Variants in HCN1 observed in about 807,000 individuals in gnomAD.
HCN1 encodes the protein potassium/sodium hyperpolarization-activated cyclic nucleotide-gated channel 1.
A neutral mutation model predicts 78.9 loss-of-function variants in HCN1; 13 were observed. That is an observed-to-expected ratio of 0.16 (90% CI 0.11 to 0.26). The LOEUF is 0.26. Among genes scored for constraint, HCN1 ranks in the 10% least tolerant of loss-of-function variants. The pLI, the probability that HCN1 is intolerant of heterozygous loss-of-function variation, is 1.00. For synonymous variants in HCN1, 552 were observed against 455.5 expected (o/e 1.21, Z -2.70); for missense variants, 810 against 1,154.3 (o/e 0.70, Z 4.32).
At chr5:45,300,240 C>CTT in intron 6 of HCN1, among the ~76,000 whole-genome samples, 1 of 152,130 alleles carries the variant, frequency 6.6e-6, no homozygotes, top group South Asian at 2.1e-4. Context: ...GACTCAAAGA[C>CTT]TTTTCCTCCT....
intron 6 of HCN1, among the ~76,000 whole-genome samples, chr5:45,274,004 A>T (rs1010824116): frequency 6.6e-6 from 1 of 152,076 alleles, no homozygotes; most frequent in Non-Finnish European, 1.5e-5. Context: ...ATAGGTGCAA[A>T]TTTTTTAGTA....
At chr5:45,409,216 A>C (rs1275674750) in intron 3 of HCN1, among the ~76,000 whole-genome samples, 1 of 152,066 alleles carries the variant, frequency 6.6e-6, no homozygotes, top group Non-Finnish European at 1.5e-5. Context: ...TCTGTTTTCC[A>C]ACTGAAAGAG....
intron 6 of HCN1, among the ~76,000 whole-genome samples, chr5:45,274,342 C>G (rs1223555985): frequency 6.6e-6 from 1 of 152,114 alleles, no homozygotes; most frequent in Non-Finnish European, 1.5e-5. Context: ...CAAGTTCAAT[C>G]AAATCATCTC....
chr5:45,613,912 A>T (rs1257572686), intron 2 of HCN1, among the ~76,000 whole-genome samples: 1 of 152,174 alleles, frequency 6.6e-6, no homozygotes, highest in African/African-American at 2.4e-5. Context: ...GATAATCCGC[A>T]GTCTTATGAG....
intron 1 of HCN1, among the ~76,000 whole-genome samples, chr5:45,666,615 G>A (rs1746055490): frequency 1.3e-5 from 2 of 151,486 alleles, no homozygotes; most frequent in South Asian, 4.1e-4. Context: ...TTGTATGTAT[G>A]TGGATAATTG....
chr5:45,500,777 G>T (rs781624555), intron 2 of HCN1, among the ~76,000 whole-genome samples: 9 of 152,028 alleles, frequency 5.9e-5, no homozygotes, highest in Non-Finnish European at 1.0e-4. Flanking sequence ...TCTGTTAGGG[G>T]ATGTAAATCA....
At chr5:45,593,402 T>C (rs942719571) in intron 2 of HCN1, among the ~76,000 whole-genome samples, 1 of 151,186 alleles carries the variant, frequency 6.6e-6, no homozygotes, top group African/African-American at 2.4e-5. Flanking sequence ...CACAGTGTGC[T>C]ACATTTATAT....
intron 2 of HCN1, among the ~76,000 whole-genome samples, chr5:45,526,608 G>C (rs1484484702): frequency 6.6e-6 from 1 of 152,052 alleles, no homozygotes; most frequent in African/African-American, 2.4e-5. Context: ...CCTTGGGTTT[G>C]GAGAAATCCT....
chr5:45,652,508 C>T (rs1329922975), intron 1 of HCN1, among the ~76,000 whole-genome samples: 1 of 152,006 alleles, frequency 6.6e-6, no homozygotes, highest in Non-Finnish European at 1.5e-5. Flanking sequence ...GCCTCTCCAA[C>T]CTCCACAGGT....
chr5:45,586,380 G>A lies in HCN1; in HGVS notation c.849+58805C>T, dbSNP rs558946310. Among the ~76,000 whole-genome samples the A allele has an allele frequency of 2.0e-5, 3 of 152,302 alleles. No individual in the cohort carries two copies. In the South Asian group the frequency reaches 6.2e-4, roughly 32 times the overall value. ...TTGCTAAGACCATTGGAAAAGCACA[G>A]TATTAGGGTGGAAGTGACCTGATTT... On this transcript the variant is annotated intron_variant, in intron 2 of 7. Transcript: ENST00000303230.
intron 1 of HCN1, among the ~76,000 whole-genome samples, chr5:45,679,905 T>G (rs1490772008): frequency 6.6e-6 from 1 of 152,078 alleles, no homozygotes; most frequent in African/African-American, 2.4e-5. Context: ...TTGCCTGCAG[T>G]GAGCTCTCAT....
At chr5:45,611,714 T>C (rs1036618248) in intron 2 of HCN1, among the ~76,000 whole-genome samples, 3 of 151,910 alleles carry the variant, frequency 2.0e-5, no homozygotes, top group Non-Finnish European at 4.4e-5. Context: ...CAAATATGAT[T>C]CTTTCTTTTA....
intron 5 of HCN1, among the ~76,000 whole-genome samples, chr5:45,336,847 C>T (rs1324929820): frequency 6.6e-6 from 1 of 151,950 alleles, no homozygotes; most frequent in Non-Finnish European, 1.5e-5. Flanking sequence ...TCAGAGATCA[C>T]TCTGGGACTT....
chr5:45,600,286 A>G (rs900795166), intron 2 of HCN1, among the ~76,000 whole-genome samples: 1 of 152,020 alleles, frequency 6.6e-6, no homozygotes. Context: ...AAAATATTTG[A>G]TTAATTGACC....
chr5:45,264,858 G>A (rs1309715519), intron 7 of HCN1, among the ~76,000 whole-genome samples: 2 of 152,110 alleles, frequency 1.3e-5, no homozygotes, highest in African/African-American at 2.4e-5. Flanking sequence ...TGCATTGCCT[G>A]TATTGATTAC....
chr5:45,591,202 T>C (rs77158430), intron 2 of HCN1, among the ~76,000 whole-genome samples: 357 of 152,314 alleles, frequency 2.3e-3, no homozygotes, highest in African/African-American at 8.1e-3. Context: ...TTCTAAGTTT[T>C]GGCAGTTATG....
At chr5:45,543,229 A>G (rs367761070) in intron 2 of HCN1, among the ~76,000 whole-genome samples, 1 of 152,140 alleles carries the variant, frequency 6.6e-6, no homozygotes, top group Non-Finnish European at 1.5e-5. Flanking sequence ...GACAATCAAA[A>G]CTAATATGTA....
At chr5:45,456,515 C>T (rs1741033404) in intron 3 of HCN1, among the ~76,000 whole-genome samples, 1 of 151,834 alleles carries the variant, frequency 6.6e-6, no homozygotes, top group African/African-American at 2.4e-5. Flanking sequence ...CAAATCACAA[C>T]AAATGAATCA....
chr5:45,394,197 TGGAGTCTGACTATCGTCAA>T (rs1361483451), intron 4 of HCN1, among the ~76,000 whole-genome samples: 1 of 152,152 alleles, frequency 6.6e-6, no homozygotes, highest in Admixed American at 6.5e-5. Flanking sequence ...CTGCGAACGC[TGGAGTCTGACTATCGTCAA>T]GGAAGGCTAG....
Sources: gnomAD v4.1 joint callset for allele counts (sites outside exome capture counted in the v4.1 genomes callset) on GRCh38, gnomAD v4.1.1 for gene constraint, MANE v1.5 for transcripts, NCBI Gene and HGNC (gene_info 2026-07-23, HGNC 2026-07-21) for gene names.